The following PSIP1 variants were observed in gnomAD, a reference collection of about 807,000 sequenced individuals.
PSIP1 encodes the protein PC4 and SRSF1 interacting protein 1.
Under a neutral mutation model 74.7 loss-of-function variants are expected in PSIP1, and 19 were observed. That is an observed-to-expected ratio of 0.25 (90% CI 0.18 to 0.37). The LOEUF is 0.37. Ranked by LOEUF, PSIP1 falls within the 10% of genes least tolerant of loss-of-function variation. The pLI, the probability that PSIP1 is intolerant of heterozygous loss-of-function variation, is 1.00. For missense variants in PSIP1, 601 were observed against 614.3 expected, an observed-to-expected ratio of 0.98 and a Z score of 0.23; for synonymous variants, 222 against 195.3, an observed-to-expected ratio of 1.14 and a Z score of -1.14.
chr9:15,479,779 T>G (rs921874018), intron 6 of PSIP1, 92 bp from the exon 7 acceptor site: 3 of 931,006 alleles, frequency 3.2e-6, no homozygotes, highest in Non-Finnish European at 5.1e-6. Context: ...TATGGTAACG[T>G]TGAGTTCAAG....
chr9:15,479,535 A>G (rs2036244526), intron 7 of PSIP1, 56 bp downstream of exon 7: 1 of 1,383,890 alleles, frequency 7.2e-7, no homozygotes. Flanking sequence ...AACACTTTAA[A>G]TGGACTGGAA....
At chr9:15,472,417 T>G in intron 10 of PSIP1, 1 of 1,354,510 alleles carries the variant, frequency 7.4e-7, no homozygotes, top group Non-Finnish European at 9.4e-7. Flanking sequence ...TCAAAAATAA[T>G]TCACAGAGTG....
chr9:15,488,828 T>C (rs368714485), intron 4 of PSIP1, among the ~76,000 whole-genome samples: 34 of 151,996 alleles, frequency 2.2e-4, no homozygotes, highest in East Asian at 1.5e-3. Flanking sequence ...GAGACCATCC[T>C]GGCTAACACG....
chr9:15,500,427 T>G lies in PSIP1; in HGVS notation c.149+6134A>C, dbSNP rs531697868. ...TTGCTTTGAGCGGAGATTGCGCCAC[T>G]GCCACTGCACTCCAGCCTGGGAGAC... is the stretch of plus-strand genomic sequence containing the variant. On this transcript the variant is annotated intron_variant, in intron 3 of 15. Coordinates refer to ENST00000380733, the MANE Select transcript of PSIP1 (RefSeq NM_033222.5). Among the ~76,000 whole-genome samples the G allele has an allele frequency of 2.0e-5, 3 of 151,844 alleles. No homozygotes were observed. In the South Asian group the frequency reaches 6.2e-4, roughly 32 times the overall value.
At chr9:15,483,050 G>A (rs965894828) in intron 6 of PSIP1, among the ~76,000 whole-genome samples, 1 of 152,054 alleles carries the variant, frequency 6.6e-6, no homozygotes, top group Non-Finnish European at 1.5e-5. Flanking sequence ...TAATTTCACA[G>A]AGCAACCTTT....
intron 10 of PSIP1, 119 bp downstream of exon 10, chr9:15,472,513 T>C (rs1333291529): frequency 2.1e-6 from 3 of 1,448,936 alleles, no homozygotes; most frequent in African/African-American, 1.5e-5. Context: ...TTCTAACACA[T>C]GGGAAAAGTC....
intron 3 of PSIP1, among the ~76,000 whole-genome samples, chr9:15,501,594 GC>G (rs2037346969): frequency 6.6e-6 from 1 of 152,074 alleles, no homozygotes; most frequent in Non-Finnish European, 1.5e-5. Context: ...GGAGAGGTAA[GC>G]ATGGGCTAGT....
chr9:15,507,351 G>C, intron 2 of PSIP1, among the ~76,000 whole-genome samples: 1 of 152,148 alleles, frequency 6.6e-6, no homozygotes, highest in Non-Finnish European at 1.5e-5. Context: ...TATCTAGCTA[G>C]AATTTAACAA....
At chr9:15,493,025 C>G (rs1237530630) in intron 3 of PSIP1, among the ~76,000 whole-genome samples, 1 of 152,146 alleles carries the variant, frequency 6.6e-6, no homozygotes, top group Non-Finnish European at 1.5e-5. Flanking sequence ...CACTGGTATG[C>G]CTTGGAGGTG....
At chr9:15,496,482 CAG>C (rs1412834279) in intron 3 of PSIP1, among the ~76,000 whole-genome samples, 5 of 152,188 alleles carry the variant, frequency 3.3e-5, no homozygotes, top group Admixed American at 2.0e-4. Context: ...AAAGTCTTAA[CAG>C]AACTATATTC....
chr9:15,474,304 G>T, intron 8 of PSIP1, 67 bp from the exon 9 acceptor site: 1 of 1,351,040 alleles, frequency 7.4e-7, no homozygotes, highest in Non-Finnish European at 1.0e-6. Flanking sequence ...ATATCAGTAA[G>T]CTATAATTTT....
rs1383652177 is a variant in PSIP1, at chr9:15,472,758, G to C, written c.859-8C>G. 1.3e-6 allele frequency: 2 copies of C among 1,598,546 alleles called. No homozygotes were observed. Among genetic ancestry groups the C allele is most frequent in the Admixed American group, 3.5e-5 (2 of 56,494 alleles). ...CCTCCCACCTTTTCTCTTCTGTTTT[G>C]AGAATTAGGATGGTTTTATTTAACT... On this transcript the variant is annotated splice_region_variant and splice_polypyrimidine_tract_variant and intron_variant, in intron 9 of 15. Transcript: ENST00000380733.
intron 7 of PSIP1, among the ~76,000 whole-genome samples, chr9:15,478,786 C>G (rs1047889452): frequency 5.9e-5 from 9 of 152,026 alleles, no homozygotes; most frequent in African/African-American, 2.2e-4. Flanking sequence ...CTTATTATGA[C>G]TGAGAGGGCT....
intron 3 of PSIP1, among the ~76,000 whole-genome samples, chr9:15,496,168 C>T (rs1407127077): frequency 6.6e-6 from 1 of 152,118 alleles, no homozygotes; most frequent in African/African-American, 2.4e-5. Context: ...AGACTAGCAG[C>T]AAATGTTGTA....
intron 3 of PSIP1, among the ~76,000 whole-genome samples, chr9:15,497,992 T>A (rs1166808156): frequency 6.6e-6 from 1 of 152,190 alleles, no homozygotes; most frequent in African/African-American, 2.4e-5. Context: ...TACACACTAT[T>A]TCACTGAATA....
intron 9 of PSIP1, among the ~76,000 whole-genome samples, chr9:15,473,250 T>C (rs1396099266): frequency 6.6e-6 from 1 of 152,120 alleles, no homozygotes; most frequent in Non-Finnish European, 1.5e-5. Context: ...CCAAATAAAT[T>C]TACATACCAC....
At chr9:15,502,423 TAGAGTA>T (rs2037390622) in intron 3 of PSIP1, among the ~76,000 whole-genome samples, 1 of 151,964 alleles carries the variant, frequency 6.6e-6, no homozygotes, top group African/African-American at 2.4e-5. Context: ...GAAACCAACA[TAGAGTA>T]AGCGCACTAT....
At chr9:15,481,457 G>A (rs2036331596) in intron 6 of PSIP1, among the ~76,000 whole-genome samples, 1 of 152,206 alleles carries the variant, frequency 6.6e-6, no homozygotes, top group Non-Finnish European at 1.5e-5. Context: ...CAGCGCTTTG[G>A]GAGGCTGGGG....
intron 3 of PSIP1, among the ~76,000 whole-genome samples, chr9:15,495,648 T>C (rs560310754): frequency 6.6e-6 from 1 of 152,298 alleles, no homozygotes; most frequent in East Asian, 1.9e-4. Context: ...GTCTATCTTC[T>C]ATGCCTTGGC....
Sources: gnomAD v4.1 joint callset for allele counts (sites outside exome capture counted in the v4.1 genomes callset) on GRCh38, gnomAD v4.1.1 for gene constraint, MANE v1.5 for transcripts, NCBI Gene and HGNC (gene_info 2026-07-23, HGNC 2026-07-21) for gene names.